The following TTLL4 variants were observed in gnomAD, a reference collection of about 807,000 sequenced individuals.
TTLL4 encodes tubulin monoglutamylase TTLL4.
A neutral mutation model predicts 122.7 loss-of-function variants in TTLL4; 85 were observed. That is an observed-to-expected ratio of 0.69 (90% confidence interval 0.58 to 0.83). TTLL4 has a LOEUF of 0.83. Among genes scored for constraint, TTLL4 ranks in the 40% least tolerant of loss-of-function variants. The pLI is 0.00. For missense variants in TTLL4, 1,363 were observed against 1,488.6 expected, an observed-to-expected ratio of 0.92 and a Z score of 1.39; for synonymous variants, 553 against 563.0, an observed-to-expected ratio of 0.98 and a Z score of 0.25.
intron 1 of TTLL4, among the ~76,000 whole-genome samples, chr2:218,722,409 A>G (rs993795545): frequency 4.6e-5 from 7 of 151,354 alleles, no homozygotes; most frequent in Non-Finnish European, 5.9e-5. Context: ...ATAATTTTAG[A>G]TAGTGGAGGA....
chr2:218,749,032 G>A, intron 13 of TTLL4, 98 bp downstream of exon 13: 1 of 1,419,048 alleles, frequency 7.0e-7, no homozygotes, highest in Non-Finnish European at 9.8e-7. Flanking sequence ...GCCATGCTGT[G>A]GTTTGGTTTT....
intron 1 of TTLL4, among the ~76,000 whole-genome samples, chr2:218,716,405 G>A (rs1035539497): frequency 3.3e-5 from 5 of 152,108 alleles, no homozygotes; most frequent in African/African-American, 7.3e-5. Flanking sequence ...TCTGCATGCA[G>A]CATAAATGTT....
chr2:218,757,361 C>T (rs1018705234), downstream of TTLL4, among the ~76,000 whole-genome samples: 1 of 152,210 alleles, frequency 6.6e-6, no homozygotes, highest in African/African-American at 2.4e-5. Context: ...TATCACTCCT[C>T]TGGGGATTTA....
At position 218,747,048 on chromosome 2, in the gene TTLL4, C is replaced by T; in HGVS notation, c.2020C>T (p.Leu674=). The T allele has an allele frequency of 6.2e-7, 1 of 1,614,224 alleles. No homozygotes were observed. Reference sequence around the variant, plus strand: ...ATTCCAGATTGGGAGGAAGGACCGGCTATGGCGGAACCTGTCACGTATGCA... The same window carrying T: ...ATTCCAGATTGGGAGGAAGGACCGGTTATGGCGGAACCTGTCACGTATGCA... ...GSFQIGRKDR[L]WRNLSRMQSR... The change falls in exon 9 of 20, where the codon CTA becomes TTA. Residue 674 remains leucine (L), a synonymous_variant. Coordinates refer to ENST00000392102, the MANE Select transcript of TTLL4 (RefSeq NM_014640.5). This position sits in a 1 kb window ranked among gnomAD's most constrained non-coding sequence, Gnocchi z 4.7.
In TTLL4 at chr2:218,754,565, A is replaced by AG. The variant is rs1488868290; in HGVS notation, c.*177dup. The AG allele has an allele frequency of 1.2e-6, 1 of 834,014 alleles. No homozygotes were observed. The highest frequency in any genetic ancestry group is 1.7e-5 in the African/African-American group (1 of 58,140). 51.7% of individuals were successfully genotyped at this position (834,014 alleles called of 1,614,324 possible). A position where few individuals can be genotyped will look rare whatever the true frequency, so the allele number is the denominator to read the frequency against. ...GTATTTGTAGGGCCGGAGGGATGGT[A>AG]GTGATGGGGAGAAGGTGAGGAAGGG... On this transcript the variant is annotated 3_prime_UTR_variant, in exon 20 of 20. Transcript: ENST00000392102.
chr2:218,754,597 T>TTC lies in TTLL4; in HGVS notation c.*208_*209insTC. ...GGGAGAAGGTGAGGAAGGGTCACCC[T>TTC]CTGTCACCTGTCTGCCTGGCTGGCA... On this transcript the variant is annotated 3_prime_UTR_variant, in exon 20 of 20. Transcript: ENST00000392102. 3.0e-6 allele frequency: 2 copies of TTC among 676,618 alleles called. No individual in the cohort carries two copies. The highest frequency in any genetic ancestry group is 2.4e-6 in the Non-Finnish European group (1 of 412,540). 41.9% of individuals were successfully genotyped at this position (676,618 alleles called of 1,614,324 possible).
At chr2:218,740,622 C>A in intron 5 of TTLL4, 38 bp downstream of exon 5, 1 of 1,604,916 alleles carries the variant, frequency 6.2e-7, no homozygotes, top group Non-Finnish European at 8.5e-7. Context: ...ACATGCTCAT[C>A]TTTTGTCTCT....
Position 218,749,233 on chromosome 2 carries a change from T to C in TTLL4, c.2601-20T>C. 1 of 1,613,794 alleles carries C rather than the reference T, an allele frequency of 6.2e-7. No individual in the cohort carries two copies. The highest frequency in any genetic ancestry group is 1.7e-4 in the Middle Eastern group (1 of 6,060). On this transcript the variant is annotated intron_variant, in intron 13 of 19. Coordinates refer to ENST00000392102, the MANE Select transcript of TTLL4 (RefSeq NM_014640.5). ...CTCTGGGAGGAGCTGAACTGAGTAC[T>C]TCCTCATCCCCATGACCAGGTCAGA... is the stretch of plus-strand genomic sequence containing the variant.
At chr2:218,712,810 A>C (rs2106380319) in intron 1 of TTLL4, among the ~76,000 whole-genome samples, 1 of 152,286 alleles carries the variant, frequency 6.6e-6, no homozygotes, top group East Asian at 1.9e-4. Flanking sequence ...ATGTCCTCAG[A>C]TACAAATAAG....
Position 218,754,345 on chromosome 2 carries a change from A to T in TTLL4, c.3556A>T (p.Thr1186Ser), listed in dbSNP as rs554702609. The T allele has an allele frequency of 2.2e-5, 35 of 1,613,876 alleles. No individual in the cohort carries two copies. The highest frequency in any genetic ancestry group is 2.9e-5 in the Non-Finnish European group (34 of 1,180,014). ...GQTSRLSASS[T>S]FQSISDSLLA... ...GACTTCAAGACTTTCTGCTTCCTCC[A>T]CTTTCCAGTCAATCAGTGACTCCCT... The change falls in exon 20 of 20, where the codon ACT becomes TCT. Residue 1186 changes from threonine (T) to serine (S), a missense_variant. By Grantham distance (58) the Thr-to-Ser change is moderately conservative (BLOSUM62 1). Around this residue, in one of 3 missense-constraint regions of TTLL4, gnomAD observed 596 missense variants for 655.8 expected, o/e 0.91. Coordinates refer to ENST00000392102, the MANE Select transcript of TTLL4 (RefSeq NM_014640.5).
Position 218,754,276 on chromosome 2 carries a change from A to T in TTLL4, c.3487A>T (p.Ser1163Cys). The T allele has an allele frequency of 6.2e-7, 1 of 1,614,192 alleles. No homozygotes were observed. The highest frequency in any genetic ancestry group is 8.5e-7 in the Non-Finnish European group (1 of 1,180,020). Reference protein sequence around the residue: ...KDSEDTSKEPSLSTQTLPVIK... With the variant: ...KDSEDTSKEPCLSTQTLPVIK... ...CAGTGAGGACACCAGCAAAGAGCCC[A>T]GCCTTTCTACCCAGACGTTACCTGT... The change falls in exon 20 of 20, where the codon AGC becomes TGC. Residue 1163 changes from serine to cysteine, a missense_variant. Ser to Cys is a moderately radical substitution (Grantham distance 112). Transcript: ENST00000392102.
chr2:218,739,630 C>G (rs940867318), intron 3 of TTLL4, among the ~76,000 whole-genome samples: 1 of 152,250 alleles, frequency 6.6e-6, no homozygotes, highest in African/African-American at 2.4e-5. Flanking sequence ...CTTGGCATGA[C>G]AGCCATTTAT....
In TTLL4 at chr2:218,752,948, GAAATA is replaced by G; in HGVS notation, c.3163_3167del (p.Lys1055ProfsTer6). On this transcript the variant is annotated frameshift_variant, in exon 17 of 20. Transcript: ENST00000392102. LOFTEE classifies it high-confidence loss of function. ...ACATTCTCACCACCCAATGGGAACA[GAAATA>G]CCATGGCAACAAGCTTAAAGGTGAT... The G allele has an allele frequency of 6.2e-7, 1 of 1,614,184 alleles. No homozygotes were observed. The highest frequency in any genetic ancestry group is 8.5e-7 in the Non-Finnish European group (1 of 1,180,040).
chr2:218,726,590 T>TA (rs1159847436), intron 1 of TTLL4, among the ~76,000 whole-genome samples: 2 of 151,716 alleles, frequency 1.3e-5, no homozygotes, highest in Admixed American at 6.6e-5. Flanking sequence ...CTCAGCCTCA[T>TA]AAATAGCTGG....
chr2:218,752,731 C>T, intron 16 of TTLL4, 32 bp from the exon 17 acceptor site: 1 of 1,612,140 alleles, frequency 6.2e-7, no homozygotes, highest in Non-Finnish European at 8.5e-7. Flanking sequence ...CACTCTCTCA[C>T]ACCCTTTTTC....
chr2:218,720,394 G>A (rs1941997711), intron 1 of TTLL4, among the ~76,000 whole-genome samples: 1 of 152,170 alleles, frequency 6.6e-6, no homozygotes, highest in African/African-American at 2.4e-5. Flanking sequence ...GGAGATGGTG[G>A]TAAGAGGGGA....
At chr2:218,751,847 C>A (rs753495632) in intron 16 of TTLL4, 41 bp downstream of exon 16, 6 of 1,524,050 alleles carry the variant, frequency 3.9e-6, no homozygotes, top group Non-Finnish European at 5.4e-6. Flanking sequence ...CAGAAAACTT[C>A]CCTGGTCAAA....
intron 1 of TTLL4, among the ~76,000 whole-genome samples, chr2:218,717,086 A>G (rs557546868): frequency 2.6e-5 from 4 of 151,634 alleles, no homozygotes; most frequent in African/African-American, 9.7e-5. Flanking sequence ...GGCTCAGGTG[A>G]TCCTCCTACC....
At chr2:218,737,325 C>T (rs1296159332) in intron 2 of TTLL4, among the ~76,000 whole-genome samples, 1 of 152,118 alleles carries the variant, frequency 6.6e-6, no homozygotes, top group East Asian at 1.9e-4. Context: ...GACTCATAAG[C>T]AGCTTCACAG....
Sources: allele counts gnomAD v4.1 joint callset (sites outside exome capture counted in the v4.1 genomes callset), GRCh38; gene constraint gnomAD v4.1.1; regional missense constraint gnomAD v4.1.1; non-coding constraint Gnocchi (gnomAD v3.1); transcripts MANE v1.5; gene names NCBI Gene and HGNC (gene_info 2026-07-23, HGNC 2026-07-21).